LRRFIP1: variants seen among roughly 807,000 people sequenced by gnomAD.
LRRFIP1 encodes leucine-rich repeat flightless-interacting protein 1.
A neutral mutation model predicts 104.4 loss-of-function variants in LRRFIP1; 62 were observed. The ratio of observed to expected loss-of-function variants is 0.59; its 90% CI spans 0.48 to 0.73. The LOEUF (loss-of-function observed/expected upper bound fraction) is 0.73, where lower values mean the gene tolerates loss of function less well. LRRFIP1 is among the 30% of genes least tolerant of loss of function. The probability of loss-of-function intolerance (pLI) is 0.00; values close to 1 mark genes in which losing one functional copy is unlikely to be tolerated. For missense variants in LRRFIP1, 796 were observed against 824.5 expected (o/e 0.97, Z 0.42); for synonymous variants, 300 against 299.0 (o/e 1.00, Z -0.03).
chr2:237,713,625 TAATGAATG>T (rs368832156), intron 2 of LRRFIP1, among the ~76,000 whole-genome samples: 3,756 of 152,280 alleles, frequency 0.025, 73 homozygotes, highest in Non-Finnish European at 0.039. Flanking sequence ...ACAAATGTCT[TAATGAATG>T]AATGAATGAA....
chr2:237,746,184 G>C (rs1465930373), intron 11 of LRRFIP1, among the ~76,000 whole-genome samples: 1 of 151,388 alleles, frequency 6.6e-6, no homozygotes, highest in African/African-American at 2.4e-5. Context: ...TCAACCTCCT[G>C]AGTAGCTGGG....
chr2:237,702,132 T>C (rs2093569567), intron 1 of LRRFIP1, among the ~76,000 whole-genome samples: 1 of 152,174 alleles, frequency 6.6e-6, no homozygotes, highest in South Asian at 2.1e-4. Context: ...CTGGGGGTCA[T>C]ACTTGTGCTT....
intron 1 of LRRFIP1, among the ~76,000 whole-genome samples, chr2:237,630,704 A>G (rs1342784950): frequency 6.6e-6 from 1 of 152,216 alleles, no homozygotes; most frequent in Non-Finnish European, 1.5e-5. Context: ...TATTGGCTGG[A>G]GCACAGCAAG....
intron 23 of LRRFIP1, among the ~76,000 whole-genome samples, chr2:237,774,862 C>T (rs2150935353): frequency 6.6e-6 from 1 of 152,354 alleles, no homozygotes; most frequent in Non-Finnish European, 1.5e-5. Flanking sequence ...AGGGCCAGGC[C>T]ACAGCTGTCT....
chr2:237,750,178 G>GCCAGGGTT (rs2058402475), intron 13 of LRRFIP1, among the ~76,000 whole-genome samples: 1 of 152,110 alleles, frequency 6.6e-6, no homozygotes, highest in Admixed American at 6.5e-5. Context: ...CCAGAGTTTG[G>GCCAGGGTT]CCAGGGTTAC....
At chr2:237,667,807 G>A (rs1167106807) in intron 1 of LRRFIP1, among the ~76,000 whole-genome samples, 1 of 150,346 alleles carries the variant, frequency 6.7e-6, no homozygotes, top group East Asian at 2.0e-4. Context: ...TCCCGGCACA[G>A]GACTGGCCCA....
At chr2:237,729,382 AGGCG>A (rs1047952093) in intron 8 of LRRFIP1, among the ~76,000 whole-genome samples, 5 of 152,250 alleles carry the variant, frequency 3.3e-5, no homozygotes, top group African/African-American at 1.2e-4. Context: ...TATAGCCCGC[AGGCG>A]GGCTGGGCTG....
At chr2:237,702,367 CTCTG>C in intron 1 of LRRFIP1, among the ~76,000 whole-genome samples, 1 of 152,284 alleles carries the variant, frequency 6.6e-6, no homozygotes, top group East Asian at 1.9e-4. Context: ...TCCTGTAAAA[CTCTG>C]TCTGTGGGGT....
chr2:237,654,010 T>C (rs991673292), intron 1 of LRRFIP1, among the ~76,000 whole-genome samples: 3 of 152,086 alleles, frequency 2.0e-5, no homozygotes, highest in Non-Finnish European at 4.4e-5. Context: ...ACAAACGGGA[T>C]TGCACTAAAC....
intron 19 of LRRFIP1, chr2:237,762,999 C>T (rs951281940): frequency 3.1e-6 from 5 of 1,614,190 alleles, no homozygotes; most frequent in Non-Finnish European, 4.2e-6. Flanking sequence ...GCAGCAGTGA[C>T]TCAGGTTGAA....
intron 19 of LRRFIP1, among the ~76,000 whole-genome samples, chr2:237,767,267 T>C (rs1187323834): frequency 6.6e-6 from 1 of 152,154 alleles, no homozygotes; most frequent in East Asian, 1.9e-4. Context: ...AGAAAGATTA[T>C]AGTGTCAAAA....
chr2:237,757,518 A>C lies in LRRFIP1; in HGVS notation c.1194A>C (p.Glu398Asp). 2 of 1,590,874 alleles carry C rather than the reference A, an allele frequency of 1.3e-6. No individual in the cohort carries two copies. Among genetic ancestry groups the C allele is most frequent in the Non-Finnish European group, 1.7e-6 (2 of 1,168,226 alleles). Residue 398 changes from glutamate (E) to aspartate (D), a missense_variant, in exon 17 of 24, where the codon GAA becomes GAC. Transcript: ENST00000308482. ...TCAGGGAGATTTCTGATCTTCAGGAAACAATAGAGTGGAAAGACAAAAAGA... is the reference window on the plus strand; with the variant it reads ...TCAGGGAGATTTCTGATCTTCAGGACACAATAGAGTGGAAAGACAAAAAGA... The part of the protein sequence containing the change: ...SSIREISDLQ[E>D]TIEWKDKKIG...
At chr2:237,652,757 G>T (rs1030292516) in intron 1 of LRRFIP1, among the ~76,000 whole-genome samples, 17 of 152,234 alleles carry the variant, frequency 1.1e-4, no homozygotes, top group Non-Finnish European at 7.3e-5. Flanking sequence ...AGGCCAAGGA[G>T]AGAGGACTGC....
At chr2:237,704,552 G>GT in intron 1 of LRRFIP1, among the ~76,000 whole-genome samples, 1 of 152,282 alleles carries the variant, frequency 6.6e-6, no homozygotes, top group African/African-American at 2.4e-5. Context: ...TCATGCATAG[G>GT]TTTTGTGCCA....
At chr2:237,765,116 G>A in intron 19 of LRRFIP1, 1 of 330,932 alleles carries the variant, frequency 3.0e-6, no homozygotes, top group Non-Finnish European at 4.3e-6. Context: ...ACAAAAAATT[G>A]GCCGGGCGTG....
intron 1 of LRRFIP1, among the ~76,000 whole-genome samples, chr2:237,655,508 ACT>A (rs2086670499): frequency 6.6e-6 from 1 of 152,038 alleles, no homozygotes; most frequent in Non-Finnish European, 1.5e-5. Context: ...AATATAGATG[ACT>A]CTCAAATCTC....
chr2:237,656,591 C>T (rs1409205575), intron 1 of LRRFIP1, among the ~76,000 whole-genome samples: 2 of 152,172 alleles, frequency 1.3e-5, no homozygotes, highest in East Asian at 3.8e-4. Flanking sequence ...GCACACTGAG[C>T]ATTGTCTAGG....
At chr2:237,744,723 C>A (rs996933309) in intron 11 of LRRFIP1, among the ~76,000 whole-genome samples, 2 of 152,250 alleles carry the variant, frequency 1.3e-5, no homozygotes, top group African/African-American at 4.8e-5. Context: ...ACTTTGTAAA[C>A]CTGTTAGTGT....
At chr2:237,657,137 T>G (rs562217873) in intron 1 of LRRFIP1, among the ~76,000 whole-genome samples, 48 of 152,140 alleles carry the variant, frequency 3.2e-4, no homozygotes, top group African/African-American at 1.1e-3. Flanking sequence ...TGAGGTTGGA[T>G]GAAGAATCAC....
Sources: gnomAD v4.1 joint callset for allele counts (sites outside exome capture counted in the v4.1 genomes callset) on GRCh38, gnomAD v4.1.1 for gene constraint, MANE v1.5 for transcripts, NCBI Gene and HGNC (gene_info 2026-07-23, HGNC 2026-07-21) for gene names.